The following CAPRIN1 variants were observed in gnomAD, a reference collection of about 807,000 sequenced individuals.
CAPRIN1 encodes the protein cell cycle associated protein 1, also known as caprin-1.
Under a neutral mutation model 100.9 loss-of-function variants are expected in CAPRIN1, and 29 were observed. The observed-to-expected ratio is 0.29, with a 90% CI of 0.21 to 0.39. The LOEUF (loss-of-function observed/expected upper bound fraction) is 0.39. Ranked by LOEUF, CAPRIN1 falls within the 10% of genes least tolerant of loss-of-function variation. CAPRIN1 has a pLI of 1.00. For synonymous variants in CAPRIN1, 338 were observed against 307.5 expected, an observed-to-expected ratio of 1.10 and a Z score of -1.04; for missense variants, 795 against 876.7, an observed-to-expected ratio of 0.91 and a Z score of 1.18.
chr11:34,099,262 A>T (rs1476525083), intron 18 of CAPRIN1, 41 bp from the exon 19 acceptor site: 1 of 1,607,136 alleles, frequency 6.2e-7, no homozygotes, highest in Admixed American at 1.7e-5. Flanking sequence ...CAAAACAAAT[A>T]ATATTTGAAA....
chr11:34,072,187 G>A (rs545717708), intron 4 of CAPRIN1, among the ~76,000 whole-genome samples, 200 bp downstream of exon 4: 2 of 152,016 alleles, frequency 1.3e-5, no homozygotes, highest in South Asian at 2.1e-4. Context: ...AATTGGGGGC[G>A]GTGGCATGTG....
Position 34,099,991 on chromosome 11 carries a change from T to A in CAPRIN1, c.*624T>A, listed in dbSNP as rs1851428845. ...TGGTTAAAAACACATGTAAAATGCT[T>A]TTTAACAGCTGATACTGTATAAGAC... On this transcript the variant is annotated 3_prime_UTR_variant, in exon 19 of 19. Transcript: ENST00000341394. 6.5e-6 allele frequency: 1 copy of A among 152,768 alleles called. No individual in the cohort carries two copies. The highest frequency in any genetic ancestry group is 2.4e-5 in the African/African-American group (1 of 41,458). The allele number at this position is 152,768 out of a possible 1,614,324, so 9.5% of individuals were successfully genotyped here. A position where few individuals can be genotyped will look rare whatever the true frequency, so the allele number is the denominator to read the frequency against.
intron 2 of CAPRIN1, among the ~76,000 whole-genome samples, chr11:34,060,195 C>CAAAAAA (rs1175800677): frequency 5.2e-4 from 21 of 40,328 alleles, no homozygotes; most frequent in East Asian, 3.1e-3. Context: ...TACTCCATCT[C>CAAAAAA]AAAAAAAAAA....
intron 16 of CAPRIN1, among the ~76,000 whole-genome samples, chr11:34,096,983 T>C (rs936746943): frequency 1.3e-5 from 2 of 152,218 alleles, no homozygotes; most frequent in Non-Finnish European, 1.5e-5. Context: ...GATGTGTGTT[T>C]ACATGCATAG....
At chr11:34,055,744 A>G (rs973459362) in intron 2 of CAPRIN1, 22 of 152,296 alleles carry the variant, frequency 1.4e-4, no homozygotes, top group Admixed American at 4.6e-4. Flanking sequence ...GCACAAAGTA[A>G]CTTTTTTTTC....
intron 15 of CAPRIN1, 42 bp downstream of exon 15, chr11:34,092,098 G>A (rs780338275): frequency 1.2e-6 from 2 of 1,600,048 alleles, no homozygotes; most frequent in Non-Finnish European, 1.7e-6. Context: ...TTGCTTTCCA[G>A]CACAGTTATT....
intron 4 of CAPRIN1, among the ~76,000 whole-genome samples, chr11:34,072,887 G>A (rs1034889011): frequency 7.2e-5 from 11 of 152,118 alleles, no homozygotes; most frequent in African/African-American, 1.7e-4. Context: ...TCTGTGTTTC[G>A]ATATATAAAT....
intron 2 of CAPRIN1, among the ~76,000 whole-genome samples, chr11:34,070,162 C>G (rs1196496553): frequency 2.6e-5 from 4 of 152,124 alleles, no homozygotes; most frequent in African/African-American, 9.7e-5. Flanking sequence ...TGTTGCATTA[C>G]CTGAATATCT....
intron 9 of CAPRIN1, among the ~76,000 whole-genome samples, chr11:34,084,458 C>CA: frequency 6.6e-6 from 1 of 152,268 alleles, no homozygotes; most frequent in African/African-American, 2.4e-5. Flanking sequence ...GAAGAGAAAT[C>CA]AATCAAAAAG....
chr11:34,069,924 A>T (rs574961052), intron 2 of CAPRIN1, among the ~76,000 whole-genome samples: 2,508 of 133,408 alleles, frequency 0.019, 51 homozygotes, highest in African/African-American at 0.064. Flanking sequence ...AAAAAAAAAA[A>T]AGAAAAAACA....
chr11:34,082,391 G>C (rs1173644322), intron 7 of CAPRIN1, among the ~76,000 whole-genome samples: 1 of 152,088 alleles, frequency 6.6e-6, no homozygotes, highest in Non-Finnish European at 1.5e-5. Flanking sequence ...GTTTCACCAG[G>C]TTGGCTAGGT....
chr11:34,094,232 AGGTTCAATCGCTTG>A (rs1851321662), intron 15 of CAPRIN1, among the ~76,000 whole-genome samples: 1 of 151,376 alleles, frequency 6.6e-6, no homozygotes, highest in Non-Finnish European at 1.5e-5. Context: ...TCCGCCTCTT[AGGTTCAATCGCTTG>A]GGTTCAAGCG....
At chr11:34,071,857 G>GT (rs754319194) in intron 3 of CAPRIN1, 44 bp from the exon 4 acceptor site, 34 of 1,588,944 alleles carry the variant, frequency 2.1e-5, no homozygotes, top group East Asian at 8.9e-5. Context: ...TAATTCTGTG[G>GT]TTTTTTGTCT....
Position 34,090,630 on chromosome 11 carries a change from T to G in CAPRIN1, c.1506T>G (p.His502Gln), listed in dbSNP as rs567814328. The change falls in exon 14 of 19, where the codon CAT becomes CAG. Residue 502 changes from histidine (H) to glutamine (Q), a missense_variant. Physicochemically the swap from His to Gln is conservative, Grantham distance 24. Around this residue, in one of 3 missense-constraint regions of CAPRIN1, gnomAD observed 648 missense variants for 697.9 expected, o/e 0.93. Coordinates refer to ENST00000341394, the MANE Select transcript of CAPRIN1 (RefSeq NM_005898.5). Reference sequence around the variant, plus strand: ...AGGCTGGGACAAGCAAACCTTTACATAGCAGTGGAATCAATGTAAATGCAG... The same window carrying G: ...AGGCTGGGACAAGCAAACCTTTACAGAGCAGTGGAATCAATGTAAATGCAG... ...VFQAGTSKPL[H>Q]SSGINVNAAP... 31 of 1,614,144 alleles carry G rather than the reference T, an allele frequency of 1.9e-5. No homozygotes were observed. Among genetic ancestry groups the G allele is most frequent in the Admixed American group, 3.3e-5 (2 of 60,022 alleles).
In CAPRIN1 at chr11:34,090,169, T is replaced by TTA. The variant is rs1333712121; in HGVS notation, c.1294-8_1294-7dup. 6 of 1,564,614 alleles carry TTA rather than the reference T, an allele frequency of 3.8e-6. No homozygotes were observed. The African/African-American group carries it at 5.4e-5, about 14-fold the overall frequency. ...CAGGAAGAAGCTTTTATTTCTTTAC[T>TTA]TATGTCTAGGTTCCTTTGGTATCAT... On this transcript the variant is annotated splice_polypyrimidine_tract_variant and intron_variant, in intron 12 of 18. Transcript: ENST00000341394.
chr11:34,053,027 C>A, intron 2 of CAPRIN1: 1 of 1,040,378 alleles, frequency 9.6e-7, no homozygotes, highest in Middle Eastern at 4.8e-4. Flanking sequence ...ATGAAGAGGT[C>A]CCTGCGCGGG....
intron 15 of CAPRIN1, chr11:34,096,178 A>C: frequency 4.9e-6 from 1 of 205,482 alleles, no homozygotes; most frequent in Non-Finnish European, 9.6e-6. Context: ...TAAAAAGTAG[A>C]TGCCTTTCAG....
chr11:34,059,354 C>CGAG (rs922907877), intron 2 of CAPRIN1, among the ~76,000 whole-genome samples: 1 of 151,570 alleles, frequency 6.6e-6, no homozygotes, highest in Non-Finnish European at 1.5e-5. Context: ...CTGCAACCTC[C>CGAG]GCCTCCTGGG....
chr11:34,096,759 G>A, intron 16 of CAPRIN1, 86 bp downstream of exon 16: 1 of 1,037,924 alleles, frequency 9.6e-7, no homozygotes, highest in Admixed American at 2.7e-5. Context: ...ACAGTTTTTG[G>A]GAAGGATGTA....
Sources: gnomAD v4.1 joint callset for allele counts (sites outside exome capture counted in the v4.1 genomes callset) on GRCh38, gnomAD v4.1.1 for gene constraint, gnomAD v4.1.1 regional missense constraint, MANE v1.5 for transcripts, NCBI Gene and HGNC (gene_info 2026-07-23, HGNC 2026-07-21) for gene names.